Variants in APBB2 observed in about 807,000 individuals in gnomAD.
APBB2 encodes amyloid beta precursor protein binding family B member 2.
Under a neutral mutation model 82.5 loss-of-function variants are expected in APBB2, and 38 were observed. The ratio of observed to expected loss-of-function variants is 0.46; its 90% CI spans 0.36 to 0.60. The LOEUF (loss-of-function observed/expected upper bound fraction) is 0.60, where lower values mean the gene tolerates loss of function less well. Among genes scored for constraint, APBB2 ranks in the 20% least tolerant of loss-of-function variants. APBB2 has a pLI of 0.00. For synonymous variants in APBB2, 341 were observed against 368.2 expected (o/e 0.93, Z 0.85); for missense variants, 772 against 972.3 (o/e 0.79, Z 2.74).
chr4:40,976,293 CATAGCAG>C (rs1471678708), intron 6 of APBB2, among the ~76,000 whole-genome samples: 58 of 152,270 alleles, frequency 3.8e-4, no homozygotes, highest in African/African-American at 1.3e-3. Flanking sequence ...ATCCCAGTTT[CATAGCAG>C]CGAGTGGCAA....
intron 3 of APBB2, among the ~76,000 whole-genome samples, chr4:41,086,252 G>T (rs1739606041): frequency 6.6e-6 from 1 of 152,042 alleles, no homozygotes; most frequent in African/African-American, 2.4e-5. Context: ...GTTTAAAGAA[G>T]AATTAACATC....
At chr4:41,077,171 A>ATTTT (rs368187037) in intron 3 of APBB2, among the ~76,000 whole-genome samples, 9 of 129,964 alleles carry the variant, frequency 6.9e-5, no homozygotes, top group Non-Finnish European at 4.8e-5. Flanking sequence ...CACCCAGCTA[A>ATTTT]TTTTTTTTTT....
chr4:40,962,764 G>C (rs908387291), intron 6 of APBB2, among the ~76,000 whole-genome samples: 1 of 152,068 alleles, frequency 6.6e-6, no homozygotes. Flanking sequence ...TTCAGGTGGG[G>C]GTTGGGGAGT....
chr4:40,840,986 T>C (rs1410384348), intron 12 of APBB2, among the ~76,000 whole-genome samples: 2 of 152,134 alleles, frequency 1.3e-5, no homozygotes, highest in Non-Finnish European at 2.9e-5. Flanking sequence ...CTCCAGAACT[T>C]TCCACCACCT....
intron 5 of APBB2, among the ~76,000 whole-genome samples, chr4:41,017,431 G>C (rs1810312174): frequency 6.6e-6 from 1 of 152,106 alleles, no homozygotes; most frequent in African/African-American, 2.4e-5. Context: ...AAAGATCAAG[G>C]CTACAAGAAA....
intron 2 of APBB2, among the ~76,000 whole-genome samples, chr4:41,108,515 C>A (rs1455497270): frequency 6.6e-6 from 1 of 152,142 alleles, no homozygotes; most frequent in Admixed American, 6.5e-5. Context: ...TTCTCCTCTA[C>A]CCAAGTCTGA....
chr4:40,970,088 G>A (rs893493533), intron 6 of APBB2, among the ~76,000 whole-genome samples: 2 of 152,158 alleles, frequency 1.3e-5, no homozygotes, highest in Admixed American at 1.3e-4. Context: ...CCTTCTACAG[G>A]ATTGTTTTCT....
At chr4:41,017,182 C>T (rs1281191237) in intron 5 of APBB2, among the ~76,000 whole-genome samples, 4 of 152,194 alleles carry the variant, frequency 2.6e-5, no homozygotes, top group Non-Finnish European at 4.4e-5. Context: ...CAGGCGTGAA[C>T]CACCAGGCCC....
At position 41,169,626 on chromosome 4, in the gene APBB2, T is replaced by C. The variant is rs548941747; in HGVS notation, c.-416-26484A>G. ...AAAAGGAGAACTGGAAAAATGACAA[T>C]TTAGAGGTGGGAAAGAAACATGAGT... is the stretch of plus-strand genomic sequence containing the variant. On this transcript the variant is annotated intron_variant, in intron 1 of 17. Coordinates refer to ENST00000508593, the MANE Select transcript of APBB2 (RefSeq NM_004307.2). Among the ~76,000 whole-genome samples, 10 of 152,314 alleles carry C rather than the reference T, an allele frequency of 6.6e-5. No individual in the cohort carries two copies. In the South Asian group the frequency reaches 1.9e-3, roughly 28 times the overall value.
At chr4:40,981,175 C>T (rs546583708) in intron 6 of APBB2, among the ~76,000 whole-genome samples, 84 of 152,210 alleles carry the variant, frequency 5.5e-4, no homozygotes, top group African/African-American at 1.9e-3. Flanking sequence ...GAGGCTGAGG[C>T]GGGCGGATCA....
At chr4:40,857,114 C>T (rs1383767366) in intron 12 of APBB2, 9 of 985,384 alleles carry the variant, frequency 9.1e-6, no homozygotes, top group Non-Finnish European at 1.1e-5. Context: ...GCCAGCGGTG[C>T]CGTCGCTCAA....
rs561083871 is a variant in APBB2, at chr4:40,893,355, G to C, written c.1311C>G (p.Pro437=). The C allele has an allele frequency of 3.7e-6, 6 of 1,612,790 alleles. No homozygotes were observed. In the Admixed American group the frequency reaches 1.0e-4, roughly 27 times the overall value. Residue 437 remains proline, a synonymous_variant, in exon 11 of 18, where the codon CCC becomes CCG. Coordinates refer to ENST00000508593, the MANE Select transcript of APBB2 (RefSeq NM_004307.2). ...WVEMAEEDLA[P]GKSSVAVNNC... Reference sequence around the variant, plus strand: ...TGTTGACCGCAACACTACTTTTACCGGGGGCGAGGTCCTCTTCTGCCATCT... The same window carrying C: ...TGTTGACCGCAACACTACTTTTACCCGGGGCGAGGTCCTCTTCTGCCATCT...
intron 2 of APBB2, among the ~76,000 whole-genome samples, chr4:41,103,670 T>C (rs1447417093): frequency 6.6e-6 from 1 of 152,196 alleles, no homozygotes; most frequent in African/African-American, 2.4e-5. Context: ...AACTGCTAGT[T>C]ACAAATGGTA....
chr4:40,842,470 C>T (rs966660448), intron 12 of APBB2: 2 of 414,292 alleles, frequency 4.8e-6, no homozygotes, highest in Non-Finnish European at 1.0e-5. Flanking sequence ...AACAGCGAGT[C>T]TGAGCACTGA....
At chr4:41,081,626 T>TA (rs1737658235) in intron 3 of APBB2, among the ~76,000 whole-genome samples, 1 of 152,218 alleles carries the variant, frequency 6.6e-6, no homozygotes, top group African/African-American at 2.4e-5. Flanking sequence ...AACAAAGCTT[T>TA]AAGACAGCCT....
At chr4:40,944,724 A>T in intron 7 of APBB2, 141 bp downstream of exon 7, 2 of 768,466 alleles carry the variant, frequency 2.6e-6, no homozygotes, top group Admixed American at 4.9e-5. Flanking sequence ...AAGAGGAAGC[A>T]TTACTGAGAT....
chr4:40,884,283 C>G (rs1424860066), intron 12 of APBB2, among the ~76,000 whole-genome samples: 1 of 152,178 alleles, frequency 6.6e-6, no homozygotes, highest in Non-Finnish European at 1.5e-5. Flanking sequence ...CTGAAAGACA[C>G]TAATACTAAA....
At chr4:41,056,171 A>T (rs1458296474) in intron 4 of APBB2, among the ~76,000 whole-genome samples, 2 of 151,974 alleles carry the variant, frequency 1.3e-5, no homozygotes, top group Admixed American at 6.6e-5. Context: ...CAAGAGCTAA[A>T]CTCCATCTCA....
intron 10 of APBB2, among the ~76,000 whole-genome samples, chr4:40,894,467 A>G (rs1403826228): frequency 2.0e-5 from 3 of 152,210 alleles, no homozygotes; most frequent in Non-Finnish European, 4.4e-5. Context: ...AATTAACTGC[A>G]TGTTAGGCAC....
Sources: gnomAD v4.1 joint callset for allele counts (sites outside exome capture counted in the v4.1 genomes callset) on GRCh38, gnomAD v4.1.1 for gene constraint, MANE v1.5 for transcripts, NCBI Gene and HGNC (gene_info 2026-07-23, HGNC 2026-07-21) for gene names.